Variants in CACNB2 observed in about 807,000 individuals in gnomAD.
CACNB2 encodes voltage-dependent L-type calcium channel subunit beta-2.
Under a neutral mutation model 73.3 loss-of-function variants are expected in CACNB2, and 42 were observed. The observed-to-expected ratio is 0.57, with a 90% confidence interval of 0.45 to 0.74. The LOEUF is 0.74. CACNB2 is among the 30% of genes least tolerant of loss of function. The pLI is 0.00. For synonymous variants in CACNB2, 348 were observed against 310.3 expected (o/e 1.12, Z -1.28); for missense variants, 940 against 853.0 (o/e 1.10, Z -1.27).
At chr10:18,399,186 C>A (rs1300785216) in intron 2 of CACNB2, among the ~76,000 whole-genome samples, 1 of 151,966 alleles carries the variant, frequency 6.6e-6, no homozygotes, top group African/African-American at 2.4e-5. Context: ...GGACAGGGGC[C>A]CCTTATGGGG....
chr10:18,509,639 A>C (rs1382895197), intron 6 of CACNB2, among the ~76,000 whole-genome samples: 1 of 152,146 alleles, frequency 6.6e-6, no homozygotes, highest in Non-Finnish European at 1.5e-5. Flanking sequence ...GTTTCTAAAA[A>C]ATTAGCTGGG....
At chr10:18,517,128 G>A (rs2051361616) in intron 7 of CACNB2, among the ~76,000 whole-genome samples, 1 of 152,166 alleles carries the variant, frequency 6.6e-6, no homozygotes, top group South Asian at 2.1e-4. Context: ...ATTCATATCT[G>A]CACATCAGTG....
intron 2 of CACNB2, among the ~76,000 whole-genome samples, chr10:18,253,175 T>G (rs1470425951): frequency 6.6e-6 from 1 of 152,166 alleles, no homozygotes; most frequent in East Asian, 1.9e-4. Context: ...GTGTTTAGAA[T>G]AGTGACTGGA....
intron 2 of CACNB2, among the ~76,000 whole-genome samples, chr10:18,240,012 C>T (rs1401068768): frequency 6.6e-6 from 1 of 152,162 alleles, no homozygotes; most frequent in Non-Finnish European, 1.5e-5. Flanking sequence ...CTGTAACAAT[C>T]TCACATGACT....
intron 2 of CACNB2, among the ~76,000 whole-genome samples, chr10:18,368,809 A>C (rs555423035): frequency 6.6e-6 from 1 of 152,276 alleles, no homozygotes; most frequent in South Asian, 2.1e-4. Flanking sequence ...TTTTTACATA[A>C]TTTCAGAAAC....
intron 2 of CACNB2, among the ~76,000 whole-genome samples, chr10:18,152,733 C>CAAAAAAA (rs1461809120): frequency 4.5e-5 from 4 of 89,374 alleles, no homozygotes; most frequent in Non-Finnish European, 6.1e-5. Flanking sequence ...AAAAAAAAAA[C>CAAAAAAA]AAAAAACAAA....
intron 12 of CACNB2, 109 bp from the exon 13 acceptor site, chr10:18,538,071 G>A: frequency 1.0e-6 from 1 of 992,696 alleles, no homozygotes; most frequent in Non-Finnish European, 1.6e-6. Flanking sequence ...AGAAGCAGGA[G>A]CAAGTACAAA....
intron 2 of CACNB2, among the ~76,000 whole-genome samples, chr10:18,367,268 G>A (rs1670492139): frequency 6.6e-6 from 1 of 151,780 alleles, no homozygotes; most frequent in African/African-American, 2.4e-5. Context: ...GACAAAGTTT[G>A]AAATGAACAC....
intron 2 of CACNB2, among the ~76,000 whole-genome samples, chr10:18,305,635 A>C (rs561370087): frequency 1.3e-5 from 2 of 152,312 alleles, no homozygotes; most frequent in Non-Finnish European, 2.9e-5. Context: ...GGTGTGAGTT[A>C]GTTTTCAAGA....
intron 2 of CACNB2, among the ~76,000 whole-genome samples, chr10:18,374,675 G>A (rs1191747044): frequency 1.3e-5 from 2 of 152,168 alleles, no homozygotes; most frequent in African/African-American, 2.4e-5. Context: ...ATTCTCCACA[G>A]TAGTTCAACA....
At chr10:18,341,170 T>C (rs914589068) in intron 2 of CACNB2, among the ~76,000 whole-genome samples, 3 of 152,242 alleles carry the variant, frequency 2.0e-5, no homozygotes, top group African/African-American at 4.8e-5. Flanking sequence ...CAAGTGAAAC[T>C]GTAACTCTGG....
Position 18,539,907 on chromosome 10 carries a change from TGTAA to T in CACNB2, c.*186_*189del, listed in dbSNP as rs886046892. ...TAGAGTATTGAGATACTTTTTCTTTTGTAAGTGCTACATAAATTGGCCTGGTATG... is the reference window on the plus strand; with the variant it reads ...TAGAGTATTGAGATACTTTTTCTTTTGTGCTACATAAATTGGCCTGGTATG... On this transcript the variant is annotated 3_prime_UTR_variant, in exon 14 of 14. Transcript: ENST00000324631. 7.2e-6 allele frequency: 5 copies of T among 694,450 alleles called. No individual in the cohort carries two copies. The African/African-American group carries it at 8.9e-5, about 12-fold the overall frequency. 43.0% of individuals were successfully genotyped at this position (694,450 alleles called of 1,614,324 possible).
At position 18,140,863 on chromosome 10, in the gene CACNB2, A is replaced by G; in HGVS notation, c.120+7A>G. 1.3e-6 allele frequency: 2 copies of G among 1,593,760 alleles called. No individual in the cohort carries two copies. The highest frequency in any genetic ancestry group is 1.7e-6 in the Non-Finnish European group (2 of 1,172,312). On this transcript the variant is annotated splice_region_variant and intron_variant, in intron 1 of 13. Transcript: ENST00000324631. ...GCTCGGAGCCGCCGCACAGGTAGCGAGAGCGCGGCGCCTTCTCCTTCCTTT... is the reference window on the plus strand; with the variant it reads ...GCTCGGAGCCGCCGCACAGGTAGCGGGAGCGCGGCGCCTTCTCCTTCCTTT...
intron 2 of CACNB2, among the ~76,000 whole-genome samples, chr10:18,198,309 G>A (rs1052792185): frequency 2.4e-4 from 36 of 151,726 alleles, no homozygotes; most frequent in Non-Finnish European, 4.9e-4. Flanking sequence ...GTTCCCAACA[G>A]TACCCCATAT....
At chr10:18,181,560 C>CTTTTT (rs1275777824) in intron 2 of CACNB2, among the ~76,000 whole-genome samples, 2 of 130,578 alleles carry the variant, frequency 1.5e-5, no homozygotes, top group African/African-American at 5.3e-5. Context: ...TTGAGGATAA[C>CTTTTT]TTTTTTATTT....
At chr10:18,323,710 G>A (rs898695058) in intron 2 of CACNB2, among the ~76,000 whole-genome samples, 6 of 152,066 alleles carry the variant, frequency 3.9e-5, no homozygotes, top group African/African-American at 1.4e-4. Context: ...TCACTTACTT[G>A]GAATGTCCTA....
intron 3 of CACNB2, among the ~76,000 whole-genome samples, chr10:18,438,234 C>T (rs554888999): frequency 6.8e-6 from 1 of 146,834 alleles, no homozygotes; most frequent in Non-Finnish European, 1.5e-5. Flanking sequence ...TTTCACCGCA[C>T]TAGCCAGGAT....
chr10:18,484,715 T>C (rs143548883), intron 3 of CACNB2, among the ~76,000 whole-genome samples: 2 of 152,308 alleles, frequency 1.3e-5, no homozygotes, highest in African/African-American at 4.8e-5. Flanking sequence ...TGCCACTCTG[T>C]CCTTTCAACC....
At chr10:18,505,027 T>G (rs10741086) in intron 5 of CACNB2, among the ~76,000 whole-genome samples, 122,993 of 152,158 alleles carry the variant, frequency 0.81, 49,853 homozygotes, top group East Asian at 0.98. Flanking sequence ...ACAGAAATTA[T>G]AAAAATTGAC....
Sources: gnomAD v4.1 joint callset for allele counts (sites outside exome capture counted in the v4.1 genomes callset) on GRCh38, gnomAD v4.1.1 for gene constraint, MANE v1.5 for transcripts, NCBI Gene and HGNC (gene_info 2026-07-23, HGNC 2026-07-21) for gene names.